Variants in NARS2 observed in about 807,000 individuals in gnomAD.
NARS2 encodes the protein asparaginyl-tRNA synthetase 2, mitochondrial.
NARS2 carries 60 observed loss-of-function variants against 62.9 expected under a neutral mutation model. That is an observed-to-expected ratio of 0.95 (90% CI 0.77 to 1.18). The LOEUF (loss-of-function observed/expected upper bound fraction) is 1.18, where lower values mean the gene tolerates loss of function less well. Among genes scored for constraint, NARS2 ranks in the 50% most tolerant of loss-of-function variants. The pLI, the probability that NARS2 is intolerant of heterozygous loss-of-function variation, is 0.00. For missense variants in NARS2, 619 were observed against 576.4 expected, an observed-to-expected ratio of 1.07 and a Z score of -0.76; for synonymous variants, 196 against 200.0, an observed-to-expected ratio of 0.98 and a Z score of 0.17.
chr11:78,489,775 G>T (rs573154150), intron 7 of NARS2, among the ~76,000 whole-genome samples: 32 of 152,232 alleles, frequency 2.1e-4, no homozygotes, highest in African/African-American at 6.7e-4. Flanking sequence ...AATGAGTCTG[G>T]GTGGCTGCGG....
chr11:78,447,460 A>G (rs1397028606), intron 11 of NARS2, among the ~76,000 whole-genome samples: 1 of 152,192 alleles, frequency 6.6e-6, no homozygotes, highest in African/African-American at 2.4e-5. Flanking sequence ...AAAAACCTAA[A>G]AACAGAACAT....
At chr11:78,441,499 A>G (rs1857575716) in intron 12 of NARS2, among the ~76,000 whole-genome samples, 1 of 152,058 alleles carries the variant, frequency 6.6e-6, no homozygotes, top group Non-Finnish European at 1.5e-5. Context: ...ATCACTTGAG[A>G]TCAGGATTCC....
chr11:78,453,332 T>C (rs986172268), intron 11 of NARS2, among the ~76,000 whole-genome samples: 1 of 152,200 alleles, frequency 6.6e-6, no homozygotes, highest in Admixed American at 6.5e-5. Flanking sequence ...TGCAGTGGCA[T>C]GCTGTCTAGA....
intron 12 of NARS2, among the ~76,000 whole-genome samples, chr11:78,443,054 G>A (rs991426477): frequency 2.6e-5 from 4 of 151,790 alleles, no homozygotes; most frequent in Admixed American, 2.0e-4. Flanking sequence ...GGCCAGGTGC[G>A]GTGGCTCATG....
At chr11:78,537,163 C>A (rs113126194) in intron 5 of NARS2, among the ~76,000 whole-genome samples, 2 of 152,124 alleles carry the variant, frequency 1.3e-5, no homozygotes, top group East Asian at 3.9e-4. Context: ...CAGAAAGTAT[C>A]TCCATCGTTA....
At chr11:78,513,953 C>T (rs1324879218) in intron 6 of NARS2, among the ~76,000 whole-genome samples, 1 of 152,100 alleles carries the variant, frequency 6.6e-6, no homozygotes, top group Non-Finnish European at 1.5e-5. Context: ...CACCCCCCTA[C>T]ACACACACTT....
intron 2 of NARS2, 79 bp downstream of exon 2, chr11:78,571,256 A>T: frequency 2.4e-6 from 2 of 850,186 alleles, no homozygotes; most frequent in Non-Finnish European, 4.0e-6. Context: ...GGTCCAACGT[A>T]AACACTGGAG....
chr11:78,510,052 G>C (rs1019620366), intron 6 of NARS2, among the ~76,000 whole-genome samples: 7 of 152,074 alleles, frequency 4.6e-5, no homozygotes, highest in African/African-American at 1.7e-4. Flanking sequence ...GAAAAACACA[G>C]TAATGCAGAA....
chr11:78,442,349 T>C (rs1238315634), intron 12 of NARS2, among the ~76,000 whole-genome samples: 2 of 152,226 alleles, frequency 1.3e-5, no homozygotes, highest in African/African-American at 4.8e-5. Flanking sequence ...GAATACAGTC[T>C]TCCTCAAACC....
At chr11:78,470,383 T>C (rs1467842007) in intron 9 of NARS2, among the ~76,000 whole-genome samples, 1 of 152,158 alleles carries the variant, frequency 6.6e-6, no homozygotes, top group Non-Finnish European at 1.5e-5. Context: ...CCTAGTTCCT[T>C]TCCTTTCACA....
intron 7 of NARS2, among the ~76,000 whole-genome samples, chr11:78,487,581 A>G (rs1032369908): frequency 2.6e-5 from 4 of 152,140 alleles, no homozygotes; most frequent in Non-Finnish European, 2.9e-5. Flanking sequence ...CAAGTTGGCT[A>G]AAGACATATT....
intron 7 of NARS2, among the ~76,000 whole-genome samples, chr11:78,484,456 T>G (rs527608536): frequency 6.6e-6 from 1 of 152,228 alleles, no homozygotes; most frequent in South Asian, 2.1e-4. Flanking sequence ...AGAGGCAACC[T>G]ACAGAATGGG....
chr11:78,482,296 A>G (rs921695969), intron 7 of NARS2, among the ~76,000 whole-genome samples: 5 of 152,194 alleles, frequency 3.3e-5, no homozygotes, highest in Non-Finnish European at 7.3e-5. Context: ...AGAAAGCAGG[A>G]AAGATCTCAA....
At chr11:78,441,213 TGAA>T (rs1857568487) in intron 12 of NARS2, 96 bp from the exon 13 acceptor site, 1 of 1,133,714 alleles carries the variant, frequency 8.8e-7, no homozygotes, top group Non-Finnish European at 1.3e-6. Flanking sequence ...GAACTCTTTA[TGAA>T]GAAGTAGACG....
At chr11:78,437,772 C>G (rs1857453273) in intron 13 of NARS2, among the ~76,000 whole-genome samples, 1 of 151,888 alleles carries the variant, frequency 6.6e-6, no homozygotes, top group Non-Finnish European at 1.5e-5. Context: ...CTCAGGAGTT[C>G]AAGGCCAGCA....
At chr11:78,477,337 T>C (rs1859143990) in intron 9 of NARS2, among the ~76,000 whole-genome samples, 1 of 152,188 alleles carries the variant, frequency 6.6e-6, no homozygotes, top group South Asian at 2.1e-4. Flanking sequence ...CATGTCTGTG[T>C]TCCCGATACC....
chr11:78,478,294 C>G (rs1266505386), intron 9 of NARS2, 144 bp downstream of exon 9: 2 of 260,974 alleles, frequency 7.7e-6, no homozygotes, highest in Middle Eastern at 2.8e-3. Flanking sequence ...TGGGGAGTGT[C>G]TATATATAGA....
chr11:78,520,388 C>T (rs1440209214), intron 6 of NARS2, among the ~76,000 whole-genome samples: 3 of 152,126 alleles, frequency 2.0e-5, no homozygotes, highest in Non-Finnish European at 4.4e-5. Context: ...TCTCTATATC[C>T]AAATCTCTCT....
chr11:78,497,293 G>A (rs1226140464), intron 6 of NARS2, among the ~76,000 whole-genome samples: 1 of 148,986 alleles, frequency 6.7e-6, no homozygotes. Flanking sequence ...TCCCGTGTAT[G>A]GAGTTTTATG....
Sources: gnomAD v4.1 joint callset for allele counts (sites outside exome capture counted in the v4.1 genomes callset) on GRCh38, gnomAD v4.1.1 for gene constraint, MANE v1.5 for transcripts, NCBI Gene and HGNC (gene_info 2026-07-23, HGNC 2026-07-21) for gene names.